The following TMEM63A variants were observed in gnomAD, a reference collection of about 807,000 sequenced individuals.
TMEM63A encodes transmembrane protein 63A, also known as mechanosensitive cation channel TMEM63A.
A neutral mutation model predicts 100.6 loss-of-function variants in TMEM63A; 76 were observed. The ratio of observed to expected loss-of-function variants is 0.76; its 90% CI spans 0.63 to 0.91. The LOEUF (loss-of-function observed/expected upper bound fraction) is 0.91, where lower values mean the gene tolerates loss of function less well. TMEM63A is among the 40% of genes least tolerant of loss of function. The pLI, the probability that TMEM63A is intolerant of heterozygous loss-of-function variation, is 0.00. For synonymous variants in TMEM63A, 401 were observed against 401.1 expected, an observed-to-expected ratio of 1.00 and a Z score of 0.00; for missense variants, 876 against 1,008.8, an observed-to-expected ratio of 0.87 and a Z score of 1.78.
chr1:225,879,362 C>G lies in TMEM63A; in HGVS notation c.-157G>C, dbSNP rs1670977694. On this transcript the variant is annotated 5_prime_UTR_variant, in exon 2 of 25. Transcript: ENST00000366835. The stretch of plus-strand genomic sequence containing the variant: ...CGTCGGGCCTAACACTCATGTCCTG[C>G]AGGGCTTTCCTGACCAGCGAGTCCT... The G allele has an allele frequency of 6.6e-6, 1 of 152,320 alleles. No homozygotes were observed. The highest frequency in any genetic ancestry group is 1.5e-5 in the Non-Finnish European group (1 of 68,120). 9.4% of individuals were successfully genotyped at this position (152,320 alleles called of 1,614,324 possible).
At chr1:225,859,647 C>CT in intron 14 of TMEM63A, 2 of 335,750 alleles carry the variant, frequency 6.0e-6, no homozygotes, top group East Asian at 7.5e-5. Context: ...TTTTCTTTTT[C>CT]TGTTTTTTTT....
At chr1:225,843,474 ATC>A (rs1411164053), downstream of TMEM63A, among the ~76,000 whole-genome samples, 1 of 152,174 alleles carries the variant, frequency 6.6e-6, no homozygotes, top group Non-Finnish European at 1.5e-5. Context: ...TTCGTCTGGG[ATC>A]TGTTTCCCCT....
chr1:225,868,149 T>C (rs761860297), intron 6 of TMEM63A, 119 bp from the exon 7 acceptor site: 25 of 1,311,132 alleles, frequency 1.9e-5, no homozygotes, highest in Non-Finnish European at 2.4e-5. Flanking sequence ...TATCCCCACA[T>C]TTTTGTTCAC....
intron 6 of TMEM63A, among the ~76,000 whole-genome samples, chr1:225,870,748 A>C (rs1198349324): frequency 6.6e-6 from 1 of 152,204 alleles, no homozygotes; most frequent in African/African-American, 2.4e-5. Flanking sequence ...ATTTCCACTG[A>C]ATATGTTGAA....
intron 15 of TMEM63A, 122 bp from the exon 16 acceptor site, chr1:225,857,139 C>A: frequency 1.3e-6 from 1 of 779,464 alleles, no homozygotes; most frequent in African/African-American, 1.8e-5. Context: ...CATCTCTGAC[C>A]CCAGAACCAA....
chr1:225,881,913 A>G (rs1228217088), intron 1 of TMEM63A, among the ~76,000 whole-genome samples: 1 of 151,508 alleles, frequency 6.6e-6, no homozygotes, highest in Non-Finnish European at 1.5e-5. Context: ...TGGCGTCAGG[A>G]GAGTCGGACG....
chr1:225,866,933 G>A (rs1670243869), intron 8 of TMEM63A, among the ~76,000 whole-genome samples, 179 bp downstream of exon 8: 1 of 152,166 alleles, frequency 6.6e-6, no homozygotes, highest in Non-Finnish European at 1.5e-5. Context: ...TAAAACCCTG[G>A]CAAAACAGTG....
rs1035938061 is a variant in TMEM63A at position 225,868,145 on chromosome 1, C to A, written c.372-115G>T. On this transcript the variant is annotated intron_variant, in intron 6 of 24. Transcript: ENST00000366835. The stretch of plus-strand genomic sequence containing the variant: ...TATGAGATGGTTCGATCGCTATCCC[C>A]ACATTTTTGTTCACATATGAGGAAA... 3.1e-5 allele frequency: 42 copies of A among 1,343,124 alleles called. No individual in the cohort carries two copies. In the African/African-American group the frequency reaches 4.1e-4, roughly 13 times the overall value. 83.2% of individuals were successfully genotyped at this position (1,343,124 alleles called of 1,614,324 possible).
Position 225,850,095 on chromosome 1 carries a change from C to T in TMEM63A, c.1904-16G>A. ...TAGATGAGGCCTGCAGGGGATGGGG[C>T]TGTGAGCTGGAGACCTCGCAGGGCC... On this transcript the variant is annotated splice_polypyrimidine_tract_variant and intron_variant, in intron 20 of 24. Coordinates refer to ENST00000366835, the MANE Select transcript of TMEM63A (RefSeq NM_014698.3). The T allele has an allele frequency of 6.2e-7, 1 of 1,613,454 alleles. No homozygotes were observed. Among genetic ancestry groups the T allele is most frequent in the Non-Finnish European group, 8.5e-7 (1 of 1,179,574 alleles).
Position 225,865,844 on chromosome 1 carries a change from G to A in TMEM63A, c.746+53C>T. On this transcript the variant is annotated intron_variant, in intron 10 of 24. Transcript: ENST00000366835. This position sits in a 1 kb window ranked among gnomAD's most constrained non-coding sequence, Gnocchi z 4.6. ...AGGTGCTCGCCCTGCGGGTGGGGCT[G>A]TGTTGGTCCTACGTGGAGGGGGCTC... 1.9e-6 allele frequency: 3 copies of A among 1,592,254 alleles called. No homozygotes were observed. Among genetic ancestry groups the A allele is most frequent in the South Asian group, 2.2e-5 (2 of 89,920 alleles).
At chr1:225,848,682 C>A (rs1185820965) in intron 22 of TMEM63A, 128 bp from the exon 23 acceptor site, 1 of 1,066,598 alleles carries the variant, frequency 9.4e-7, no homozygotes, top group African/African-American at 1.6e-5. Context: ...CCCAGCAGCC[C>A]GAGAGAGGAT....
intron 20 of TMEM63A, among the ~76,000 whole-genome samples, chr1:225,851,645 A>G (rs1669347033): frequency 6.6e-6 from 1 of 152,262 alleles, no homozygotes. Flanking sequence ...CTGGGATTAC[A>G]GGCATAAGCC....
chr1:225,842,840 G>A (rs950384387), downstream of TMEM63A, among the ~76,000 whole-genome samples: 3 of 152,232 alleles, frequency 2.0e-5, no homozygotes, highest in Non-Finnish European at 4.4e-5. Flanking sequence ...TCAGGGTCAC[G>A]TGACTGCGTG....
At chr1:225,844,162 A>C (rs1668690133), downstream of TMEM63A, among the ~76,000 whole-genome samples, 1 of 152,118 alleles carries the variant, frequency 6.6e-6, no homozygotes, top group Non-Finnish European at 1.5e-5. Context: ...GTATGTGGTC[A>C]CCACAGTAGC....
chr1:225,847,169 T>C lies in TMEM63A; in HGVS notation c.2295A>G (p.Thr765=), dbSNP rs777607154. ...GCTGCTGCTGCTGCGGAGACAGTGC[T>C]GTCCTCTCCGAGGCCAAGCCGTTCA... ...RILNGLASER[T]ALSPQQQQQQ... Residue 765 remains threonine, a synonymous_variant, in exon 24 of 25, where the codon ACA becomes ACG. Coordinates refer to ENST00000366835, the MANE Select transcript of TMEM63A (RefSeq NM_014698.3). The C allele has an allele frequency of 6.2e-7, 1 of 1,613,380 alleles. No homozygotes were observed. Among genetic ancestry groups the C allele is most frequent in the East Asian group, 2.2e-5 (1 of 44,882 alleles).
Position 225,860,859 on chromosome 1 carries a change from C to T in TMEM63A, c.1223+1G>A, listed in dbSNP as rs1465641709. ...CACCTCTCCTTGGTCTAGGAGCTTA[C>T]CAGCAGATGTCCTCAGGGTCAGCAG... On this transcript the variant is annotated splice_donor_variant, in intron 14 of 24. Coordinates refer to ENST00000366835, the MANE Select transcript of TMEM63A (RefSeq NM_014698.3). LOFTEE classifies it high-confidence loss of function. 1 of 1,606,102 alleles carries T rather than the reference C, an allele frequency of 6.2e-7. No homozygotes were observed. The highest frequency in any genetic ancestry group is 8.5e-7 in the Non-Finnish European group (1 of 1,176,366).
At position 225,848,981 on chromosome 1, in the gene TMEM63A, G is replaced by T. The variant is rs1669176907; in HGVS notation, c.2103C>A (p.Phe701Leu). 6.7e-7 allele frequency: 1 copy of T among 1,484,350 alleles called. No individual in the cohort carries two copies. Among genetic ancestry groups the T allele is most frequent in the Non-Finnish European group, 9.1e-7 (1 of 1,100,094 alleles). The allele number at this position is 1,484,350 out of a possible 1,614,324, so 91.9% of individuals were successfully genotyped here. A position where few individuals can be genotyped will look rare whatever the true frequency, so the allele number is the denominator to read the frequency against. ...GMKAPATLFT[F>L]LVLLLTILVC... is the part of the protein sequence containing the mutation. ...CCAGGATGGTGAGCAGCAGCACCAGGAAGGTGAACAGAGTGGCGGGGGCCT... is the reference window on the plus strand; with the variant it reads ...CCAGGATGGTGAGCAGCAGCACCAGTAAGGTGAACAGAGTGGCGGGGGCCT... The change falls in exon 22 of 25, where the codon TTC (phenylalanine) becomes TTA (leucine). Residue 701 changes from phenylalanine to leucine, a missense_variant. Phe to Leu is a conservative substitution (Grantham distance 22). Coordinates refer to ENST00000366835, the MANE Select transcript of TMEM63A (RefSeq NM_014698.3).
rs1284654509 is a variant in TMEM63A at position 225,862,741 on chromosome 1, G to A, written c.827+30C>T. On this transcript the variant is annotated intron_variant, in intron 11 of 24. Transcript: ENST00000366835. This position sits in a 1 kb window ranked among gnomAD's most constrained non-coding sequence, Gnocchi z 5.1. ...ATGCGAGGCCAGCAAGGAAGGAGGG[G>A]GCATCTTGCAAGGCCCGCCCACCAC... The A allele has an allele frequency of 1.2e-6, 2 of 1,613,638 alleles. No individual in the cohort carries two copies. The highest frequency in any genetic ancestry group is 3.3e-5 in the Admixed American group (2 of 59,962).
At chr1:225,877,921 A>G (rs964588577) in intron 2 of TMEM63A, among the ~76,000 whole-genome samples, 1 of 152,194 alleles carries the variant, frequency 6.6e-6, no homozygotes, top group Non-Finnish European at 1.5e-5. Flanking sequence ...AAGAAGTCCT[A>G]AAGTTCCTCT....
Sources: gnomAD v4.1 joint callset for allele counts (sites outside exome capture counted in the v4.1 genomes callset) on GRCh38, gnomAD v4.1.1 for gene constraint, Gnocchi (gnomAD v3.1) non-coding constraint, MANE v1.5 for transcripts, NCBI Gene and HGNC (gene_info 2026-07-23, HGNC 2026-07-21) for gene names.